Variants in DAB1 observed in about 807,000 individuals in gnomAD.
DAB1 encodes the protein disabled homolog 1.
Under a neutral mutation model 64.6 loss-of-function variants are expected in DAB1, and 15 were observed. The ratio of observed to expected loss-of-function variants is 0.23; its 90% CI spans 0.16 to 0.36. DAB1 has a LOEUF of 0.36. Ranked by LOEUF, DAB1 falls within the 10% of genes least tolerant of loss-of-function variation. DAB1 has a pLI of 1.00. For missense variants in DAB1, 596 were observed against 706.7 expected (o/e 0.84, Z 1.78); for synonymous variants, 235 against 251.9 (o/e 0.93, Z 0.64).
At chr1:57,025,684 T>A (rs1022181460) in intron 10 of DAB1, among the ~76,000 whole-genome samples, 7 of 152,188 alleles carry the variant, frequency 4.6e-5, no homozygotes, top group Non-Finnish European at 8.8e-5. Flanking sequence ...CCTTCGGGCC[T>A]TTCTTCTCAG....
At chr1:58,440,547 G>A (rs759275979) in intron 3 of DAB1, among the ~76,000 whole-genome samples, 3 of 152,114 alleles carry the variant, frequency 2.0e-5, no homozygotes, top group African/African-American at 4.8e-5. Flanking sequence ...ACAGGTCTTC[G>A]GGAGAAGTAT....
intron 1 of DAB1, among the ~76,000 whole-genome samples, chr1:57,343,192 A>G (rs1257440226): frequency 6.6e-6 from 1 of 152,134 alleles, no homozygotes; most frequent in African/African-American, 2.4e-5. Context: ...AAGGTTCTCC[A>G]AGTCCCCACC....
intron 3 of DAB1, chr1:58,468,909 G>T (rs1474787277): frequency 8.3e-6 from 2 of 240,742 alleles, no homozygotes; most frequent in Non-Finnish European, 1.3e-5. Context: ...AGAGTGATCT[G>T]AGTGGTACCC....
At chr1:57,633,076 A>G (rs769984475) in intron 7 of DAB1, among the ~76,000 whole-genome samples, 11 of 152,214 alleles carry the variant, frequency 7.2e-5, no homozygotes, top group African/African-American at 1.2e-4. Context: ...ATTGTTCTCT[A>G]AATCAGGCTC....
At chr1:57,155,238 G>T (rs1309638002) in intron 2 of DAB1, among the ~76,000 whole-genome samples, 2 of 152,114 alleles carry the variant, frequency 1.3e-5, no homozygotes, top group Non-Finnish European at 2.9e-5. Flanking sequence ...TCATTCTTCT[G>T]CATATGGATA....
At chr1:57,638,863 T>C (rs1377309837) in intron 7 of DAB1, among the ~76,000 whole-genome samples, 3 of 151,720 alleles carry the variant, frequency 2.0e-5, no homozygotes, top group South Asian at 2.1e-4. Context: ...GGGGTGTGTA[T>C]GTGTGTGTGT....
At chr1:57,438,798 C>T (rs756777553) in intron 7 of DAB1, among the ~76,000 whole-genome samples, 22 of 152,106 alleles carry the variant, frequency 1.4e-4, no homozygotes, top group Non-Finnish European at 2.8e-4. Context: ...TACTATGAAC[C>T]TCCATTTCCT....
intron 5 of DAB1, among the ~76,000 whole-genome samples, chr1:58,023,652 T>C (rs979018755): frequency 6.6e-6 from 1 of 152,184 alleles, no homozygotes; most frequent in Non-Finnish European, 1.5e-5. Flanking sequence ...AATAGAAGTA[T>C]AAGAATAATT....
intron 5 of DAB1, among the ~76,000 whole-genome samples, chr1:58,039,758 C>G (rs914875268): frequency 3.3e-5 from 5 of 152,094 alleles, no homozygotes; most frequent in African/African-American, 1.2e-4. Context: ...AAAAGATTTC[C>G]TCACCTTTTT....
chr1:58,264,280 A>G (rs1380249268), intron 4 of DAB1, among the ~76,000 whole-genome samples: 1 of 152,248 alleles, frequency 6.6e-6, no homozygotes. Flanking sequence ...TTATTCATGT[A>G]GGATGTTAAG....
chr1:57,189,617 G>C (rs1415827606), intron 2 of DAB1, among the ~76,000 whole-genome samples: 1 of 152,094 alleles, frequency 6.6e-6, no homozygotes, highest in Non-Finnish European at 1.5e-5. Flanking sequence ...GGGCAGGCAG[G>C]TCACAATGTC....
At chr1:58,217,323 A>G (rs945953124) in intron 4 of DAB1, among the ~76,000 whole-genome samples, 1 of 152,192 alleles carries the variant, frequency 6.6e-6, no homozygotes, top group African/African-American at 2.4e-5. Flanking sequence ...TGGAGCCTGG[A>G]GGCAGACCAG....
intron 2 of DAB1, among the ~76,000 whole-genome samples, chr1:57,288,936 A>T (rs1419164774): frequency 6.6e-6 from 1 of 152,162 alleles, no homozygotes; most frequent in Admixed American, 6.5e-5. Flanking sequence ...AATATTATAT[A>T]CCCATTTTAT....
Position 58,332,089 on chromosome 1 carries a change from C to T in DAB1, n.309+11263G>A, listed in dbSNP as rs78570010. ...CATATTGACTGACTCCTGCATCACC[C>T]TTCCTCTGTACCATATATGGCTTAT... On this transcript the variant is annotated intron_variant and non_coding_transcript_variant, in intron 4 of 20. Transcript: ENST00000485760. Among the ~76,000 whole-genome samples the T allele has an allele frequency of 2.8e-3, 421 of 152,298 alleles. 4 individuals carry two copies. The highest frequency in any genetic ancestry group is 9.7e-3 in the African/African-American group (404 of 41,566).
intron 1 of DAB1, among the ~76,000 whole-genome samples, chr1:57,352,453 T>C (rs1570348417): frequency 6.6e-6 from 1 of 152,170 alleles, no homozygotes; most frequent in African/African-American, 2.4e-5. Flanking sequence ...TGAAGAGGTA[T>C]ACCTAAGTTC....
At chr1:58,089,623 G>A (rs1650520442) in intron 5 of DAB1, among the ~76,000 whole-genome samples, 1 of 152,186 alleles carries the variant, frequency 6.6e-6, no homozygotes, top group South Asian at 2.1e-4. Flanking sequence ...AGTGAAATTA[G>A]AGACAAAGAG....
At chr1:57,705,080 C>T (rs543104580) in intron 6 of DAB1, among the ~76,000 whole-genome samples, 1 of 152,226 alleles carries the variant, frequency 6.6e-6, no homozygotes, top group Non-Finnish European at 1.5e-5. Context: ...AGCAGCCCAT[C>T]ACCTTTATAT....
chr1:58,204,719 G>A (rs906771314), intron 4 of DAB1, among the ~76,000 whole-genome samples: 3 of 152,128 alleles, frequency 2.0e-5, no homozygotes, highest in Non-Finnish European at 4.4e-5. Context: ...TAATTCCCAC[G>A]CATAAACTTC....
intron 3 of DAB1, among the ~76,000 whole-genome samples, chr1:58,390,729 G>A (rs1644468974): frequency 6.6e-6 from 1 of 152,178 alleles, no homozygotes; most frequent in Admixed American, 6.5e-5. Flanking sequence ...TTTGCACCAT[G>A]TCTCAGCCCA....
Sources: gnomAD v4.1 joint callset for allele counts (sites outside exome capture counted in the v4.1 genomes callset) on GRCh38, gnomAD v4.1.1 for gene constraint, MANE v1.5 for transcripts, NCBI Gene and HGNC (gene_info 2026-07-23, HGNC 2026-07-21) for gene names.